The following PNLIPRP3 variants were observed in gnomAD, a reference collection of about 807,000 sequenced individuals.
PNLIPRP3 encodes pancreatic lipase-related protein 3.
Under a neutral mutation model 52.8 loss-of-function variants are expected in PNLIPRP3, and 58 were observed. The observed-to-expected ratio is 1.10, with a 90% confidence interval of 0.89 to 1.37. The LOEUF (loss-of-function observed/expected upper bound fraction) is 1.37, where lower values mean the gene tolerates loss of function less well. Among genes scored for constraint, PNLIPRP3 ranks in the 40% most tolerant of loss-of-function variants. The probability of loss-of-function intolerance (pLI) is 0.00; values close to 1 mark genes in which losing one functional copy is unlikely to be tolerated. For missense variants in PNLIPRP3, 593 were observed against 561.6 expected, an observed-to-expected ratio of 1.06 and a Z score of -0.57; for synonymous variants, 192 against 185.0, an observed-to-expected ratio of 1.04 and a Z score of -0.31.
Position 116,477,506 on chromosome 10 carries a change from T to C in PNLIPRP3, c.*353T>C. 1 of 167,038 alleles carries C rather than the reference T, an allele frequency of 6.0e-6. No homozygotes were observed. Among genetic ancestry groups the C allele is most frequent in the East Asian group, 1.7e-4 (1 of 5,800 alleles). The allele number at this position is 167,038 out of a possible 1,614,324, so 10.3% of individuals were successfully genotyped here. On this transcript the variant is annotated 3_prime_UTR_variant, in exon 12 of 12. Transcript: ENST00000369230. ...AAAGTAAGCCTCTGGCTTGCTGAGT[T>C]TTTGAAGTATATTTTCAGGTATAAT...
chr10:116,463,213 G>GA (rs1846224518), intron 7 of PNLIPRP3, among the ~76,000 whole-genome samples: 1 of 3,132 alleles, frequency 3.2e-4, no homozygotes, highest in South Asian at 0.17. Flanking sequence ...ACAATTACAA[G>GA]AAAAATTGTT....
intron 1 of PNLIPRP3, among the ~76,000 whole-genome samples, chr10:116,430,221 G>A (rs1332692735): frequency 6.6e-6 from 1 of 152,108 alleles, no homozygotes; most frequent in Admixed American, 6.6e-5. Context: ...GCTTGTAAAA[G>A]GTCTCTTCTC....
chr10:116,447,975 G>T (rs1296370371), intron 4 of PNLIPRP3, among the ~76,000 whole-genome samples: 1 of 104,562 alleles, frequency 9.6e-6, no homozygotes, highest in African/African-American at 3.3e-5. Flanking sequence ...AAAAAAAAAT[G>T]AAAGAGGAAG....
chr10:116,439,398 T>G (rs1845825032), intron 2 of PNLIPRP3: 2 of 540,976 alleles, frequency 3.7e-6, no homozygotes, highest in Non-Finnish European at 6.7e-6. Flanking sequence ...ATAAGAAATG[T>G]GTCAATTACA....
At chr10:116,459,592 A>G (rs181709840) in intron 5 of PNLIPRP3, among the ~76,000 whole-genome samples, 30 of 152,096 alleles carry the variant, frequency 2.0e-4, no homozygotes, top group Non-Finnish European at 3.4e-4. Flanking sequence ...TACTACCTTC[A>G]TCTTCCACCG....
intron 1 of PNLIPRP3, among the ~76,000 whole-genome samples, chr10:116,435,274 C>T (rs1845758419): frequency 6.6e-6 from 1 of 152,006 alleles, no homozygotes; most frequent in Admixed American, 6.6e-5. Flanking sequence ...ATGAAAACAA[C>T]ATTATGAAGC....
At chr10:116,453,047 G>C (rs1481001518) in intron 4 of PNLIPRP3, among the ~76,000 whole-genome samples, 1 of 152,224 alleles carries the variant, frequency 6.6e-6, no homozygotes, top group Non-Finnish European at 1.5e-5. Flanking sequence ...ACCCCAGAGA[G>C]CAGCATGTGG....
At chr10:116,443,229 T>G (rs934724210) in intron 3 of PNLIPRP3, 55 bp downstream of exon 3, 3 of 1,537,922 alleles carry the variant, frequency 2.0e-6, no homozygotes, top group Non-Finnish European at 1.8e-6. Context: ...ATGTTTAACA[T>G]GAATGTACTT....
At chr10:116,471,477 AC>A (rs557220564) in intron 9 of PNLIPRP3, among the ~76,000 whole-genome samples, 139 of 152,310 alleles carry the variant, frequency 9.1e-4, no homozygotes, top group African/African-American at 3.1e-3. Flanking sequence ...AAGACACAGG[AC>A]TTCCATTTTT....
chr10:116,442,940 G>T (rs1589977795), intron 2 of PNLIPRP3, 115 bp from the exon 3 acceptor site: 3 of 681,304 alleles, frequency 4.4e-6, no homozygotes, highest in Non-Finnish European at 6.3e-6. Flanking sequence ...TATTAAAGAA[G>T]GTTGCTAAAG....
intron 1 of PNLIPRP3, among the ~76,000 whole-genome samples, chr10:116,431,145 G>C (rs529668302): frequency 6.6e-6 from 1 of 152,164 alleles, no homozygotes; most frequent in South Asian, 2.1e-4. Context: ...TGCAGAACCT[G>C]ACCACTTGTA....
At chr10:116,446,294 C>A (rs945389111) in intron 4 of PNLIPRP3, among the ~76,000 whole-genome samples, 1 of 136,922 alleles carries the variant, frequency 7.3e-6, no homozygotes, top group Admixed American at 8.5e-5. Context: ...TGCAGTAAGC[C>A]GAGATGGCGC....
At chr10:116,443,761 GTGTA>G (rs1394289039) in intron 3 of PNLIPRP3, among the ~76,000 whole-genome samples, 13 of 81,820 alleles carry the variant, frequency 1.6e-4, no homozygotes, top group East Asian at 6.4e-4. Context: ...GTGTGTGTGT[GTGTA>G]TGTGTGTGTG....
chr10:116,431,922 C>A lies in PNLIPRP3; in HGVS notation c.49+3861C>A, dbSNP rs190845263. Among the ~76,000 whole-genome samples, 23 of 152,194 alleles carry A rather than the reference C, an allele frequency of 1.5e-4. No homozygotes were observed. The East Asian group carries it at 4.5e-3, about 29-fold the overall frequency. The stretch of plus-strand genomic sequence containing the variant: ...TGCATGCGGTTTGCTCCTCTCCCCC[C>A]CAGGTCTTGATGCAAATGCTACCCT... On this transcript the variant is annotated intron_variant, in intron 1 of 11. Transcript: ENST00000369230.
At chr10:116,447,053 C>T (rs1027627504) in intron 4 of PNLIPRP3, among the ~76,000 whole-genome samples, 1 of 152,112 alleles carries the variant, frequency 6.6e-6, no homozygotes, top group Non-Finnish European at 1.5e-5. Context: ...GTCACTATAG[C>T]CCCTTCCCCT....
At chr10:116,476,139 C>T (rs1159683165) in intron 10 of PNLIPRP3, among the ~76,000 whole-genome samples, 1 of 152,120 alleles carries the variant, frequency 6.6e-6, no homozygotes, top group Non-Finnish European at 1.5e-5. Flanking sequence ...CCGTGATCAA[C>T]AAAATGTCTT....
At chr10:116,469,048 C>A in intron 8 of PNLIPRP3, 137 bp from the exon 9 acceptor site, 1 of 809,242 alleles carries the variant, frequency 1.2e-6, no homozygotes, top group Non-Finnish European at 1.8e-6. Context: ...GACATGGTGG[C>A]CTGTTAGGCA....
chr10:116,445,067 T>C (rs2133123251), intron 4 of PNLIPRP3, among the ~76,000 whole-genome samples: 1 of 152,298 alleles, frequency 6.6e-6, no homozygotes. Flanking sequence ...CACCCTAAAA[T>C]GCAGTGTAGT....
At chr10:116,462,229 G>A (rs138561676) in intron 7 of PNLIPRP3, among the ~76,000 whole-genome samples, 255 of 151,628 alleles carry the variant, frequency 1.7e-3, no homozygotes, top group African/African-American at 5.7e-3. Context: ...AAAAGGCACC[G>A]AAAGGTTATT....
Sources: gnomAD v4.1 joint callset for allele counts (sites outside exome capture counted in the v4.1 genomes callset) on GRCh38, gnomAD v4.1.1 for gene constraint, MANE v1.5 for transcripts, NCBI Gene and HGNC (gene_info 2026-07-23, HGNC 2026-07-21) for gene names.